SCRG1: variants seen among roughly 807,000 people sequenced by gnomAD.
SCRG1 encodes the protein stimulator of chondrogenesis 1.
A neutral mutation model predicts 7.7 loss-of-function variants in SCRG1; 3 were observed. The observed-to-expected ratio is 0.39, with a 90% confidence interval of 0.18 to 1.01. SCRG1 has a LOEUF of 1.01. Among genes scored for constraint, SCRG1 ranks in the 50% least tolerant of loss-of-function variants. The pLI is 0.36. For synonymous variants in SCRG1, 46 were observed against 41.2 expected, an observed-to-expected ratio of 1.12 and a Z score of -0.44; for missense variants, 110 against 117.2, an observed-to-expected ratio of 0.94 and a Z score of 0.28.
the SCRG1 span, chr4:173,419,668 T>G: frequency 1.3e-6 from 1 of 773,436 alleles, no homozygotes; most frequent in Non-Finnish European, 2.3e-6. Context: ...TAGACAAACC[T>G]CCATCCACAG....
At chr4:173,512,155 G>A in the SCRG1 span, among the ~76,000 whole-genome samples, 1 of 152,176 alleles carries the variant, frequency 6.6e-6, no homozygotes, top group Non-Finnish European at 1.5e-5. Context: ...GGATGCAGGG[G>A]GCAGAGGGTT....
the SCRG1 span, among the ~76,000 whole-genome samples, chr4:173,483,217 A>ATATT: frequency 2.6e-5 from 2 of 75,950 alleles, no homozygotes; most frequent in East Asian, 8.1e-4. Flanking sequence ...TATATCATAT[A>ATATT]ATATATATAT....
the SCRG1 span, among the ~76,000 whole-genome samples, chr4:173,466,631 TAAAGAAAGAG>T: frequency 5.0e-4 from 76 of 152,144 alleles, no homozygotes; most frequent in African/African-American, 1.7e-3. Context: ...GACAAAAACT[TAAAGAAAGAG>T]TCCAAATGCT....
chr4:173,440,756 T>C, the SCRG1 span, among the ~76,000 whole-genome samples: 1 of 152,202 alleles, frequency 6.6e-6, no homozygotes. Context: ...AGGGCCACCT[T>C]TCCCCTGAAA....
the SCRG1 span, among the ~76,000 whole-genome samples, chr4:173,441,992 T>C: frequency 3.2e-4 from 48 of 152,242 alleles, no homozygotes; most frequent in African/African-American, 1.1e-3. Flanking sequence ...TTTATGGCTC[T>C]ATCCCACACA....
upstream of SCRG1, chr4:173,399,487 T>TGG (rs1739698942): frequency 1.7e-5 from 1 of 58,110 alleles, no homozygotes; most frequent in Non-Finnish European, 4.3e-5. Flanking sequence ...TGTGTGTGTG[T>TGG]GTGTTTGTGT....
At chr4:173,475,318 G>A in the SCRG1 span, among the ~76,000 whole-genome samples, 2 of 152,282 alleles carry the variant, frequency 1.3e-5, no homozygotes, top group African/African-American at 4.8e-5. Context: ...CACAATAACT[G>A]GGAAATATCC....
the SCRG1 span, among the ~76,000 whole-genome samples, chr4:173,476,280 G>A: frequency 6.7e-6 from 1 of 149,038 alleles, no homozygotes; most frequent in African/African-American, 2.4e-5. Context: ...TGCTCTTGGG[G>A]AATGGGCAGA....
chr4:173,449,863 G>T, the SCRG1 span, among the ~76,000 whole-genome samples: 25 of 152,158 alleles, frequency 1.6e-4, no homozygotes, highest in Admixed American at 5.9e-4. Flanking sequence ...CCTGACCCAG[G>T]AATAGGAATA....
chr4:173,513,241 C>A, the SCRG1 span, among the ~76,000 whole-genome samples: 5 of 151,802 alleles, frequency 3.3e-5, no homozygotes, highest in African/African-American at 9.7e-5. Flanking sequence ...TCCCTTTTTT[C>A]TTATTCTTTG....
chr4:173,405,483 G>A (rs1739876703), intron 1 of SCRG1, among the ~76,000 whole-genome samples: 1 of 152,118 alleles, frequency 6.6e-6, no homozygotes, highest in South Asian at 2.1e-4. Context: ...AAGTCCCTAT[G>A]CATGGTCCAT....
At chr4:173,516,001 T>C in the SCRG1 span, among the ~76,000 whole-genome samples, 4 of 152,116 alleles carry the variant, frequency 2.6e-5, no homozygotes, top group East Asian at 7.7e-4. Context: ...GTTTACCTCC[T>C]CCAAAACCCA....
chr4:173,482,294 G>A, the SCRG1 span, among the ~76,000 whole-genome samples: 49 of 152,170 alleles, frequency 3.2e-4, no homozygotes, highest in African/African-American at 1.2e-3. Context: ...ATATATCCAT[G>A]GTTAGAATAG....
At chr4:173,485,110 T>C in the SCRG1 span, among the ~76,000 whole-genome samples, 11 of 12,628 alleles carry the variant, frequency 8.7e-4, 2 homozygotes, top group African/African-American at 1.9e-3. Context: ...TATTATATAT[T>C]ATATAATATA....
the SCRG1 span, among the ~76,000 whole-genome samples, chr4:173,456,809 G>A: frequency 1.3e-5 from 2 of 152,186 alleles, no homozygotes; most frequent in Non-Finnish European, 2.9e-5. Flanking sequence ...AAAGAGATAG[G>A]ATTGAAAGGT....
chr4:173,484,058 TAATA>T, the SCRG1 span, among the ~76,000 whole-genome samples: 3 of 70,994 alleles, frequency 4.2e-5, no homozygotes, highest in Non-Finnish European at 7.2e-5. Context: ...ATAATATACA[TAATA>T]TATAATATAC....
chr4:173,424,498 T>C, the SCRG1 span, among the ~76,000 whole-genome samples: 11 of 152,206 alleles, frequency 7.2e-5, no homozygotes, highest in African/African-American at 2.4e-4. Flanking sequence ...CTTGGATACA[T>C]GAGGCCAGGA....
At chr4:173,505,309 G>T in the SCRG1 span, among the ~76,000 whole-genome samples, 1 of 152,160 alleles carries the variant, frequency 6.6e-6, no homozygotes, top group Non-Finnish European at 1.5e-5. This position sits in a 1 kb window ranked among gnomAD's most constrained non-coding sequence, Gnocchi z 4.4. Flanking sequence ...CCCACCTGGA[G>T]TCAGTGCCCT....
At chr4:173,501,413 G>A in the SCRG1 span, among the ~76,000 whole-genome samples, 1 of 152,220 alleles carries the variant, frequency 6.6e-6, no homozygotes, top group Non-Finnish European at 1.5e-5. The surrounding 1 kb of genome is among the most constrained non-coding windows in gnomAD (Gnocchi z 5.1). Flanking sequence ...GATGCCCTGG[G>A]AAGCCGCAAA....
Sources: allele counts gnomAD v4.1 joint callset (sites outside exome capture counted in the v4.1 genomes callset), GRCh38; gene constraint gnomAD v4.1.1; non-coding constraint Gnocchi (gnomAD v3.1); transcripts MANE v1.5; gene names NCBI Gene and HGNC (gene_info 2026-07-23, HGNC 2026-07-21).